The following PIWIL4 variants were observed in gnomAD, a reference collection of about 807,000 sequenced individuals.
PIWIL4 encodes the protein piwi like RNA-mediated gene silencing 4.
In PIWIL4, 50 loss-of-function variants were observed where a neutral mutation model predicts 100.9. The ratio of observed to expected loss-of-function variants is 0.50; its 90% CI spans 0.39 to 0.63. The LOEUF (loss-of-function observed/expected upper bound fraction) is 0.63. Ranked by LOEUF, PIWIL4 falls within the 20% of genes least tolerant of loss-of-function variation. The pLI, the probability that PIWIL4 is intolerant of heterozygous loss-of-function variation, is 0.00. For missense variants in PIWIL4, 887 were observed against 1,043.3 expected, an observed-to-expected ratio of 0.85 and a Z score of 2.06; for synonymous variants, 342 against 367.5, an observed-to-expected ratio of 0.93 and a Z score of 0.79.
intron 11 of PIWIL4, among the ~76,000 whole-genome samples, chr11:94,599,881 T>C (rs528171740): frequency 2.6e-5 from 4 of 152,294 alleles, no homozygotes; most frequent in African/African-American, 7.2e-5. Flanking sequence ...TTGGGGGACA[T>C]GTTAACATGC....
chr11:94,577,704 A>G (rs1465279550), intron 4 of PIWIL4, among the ~76,000 whole-genome samples: 1 of 152,222 alleles, frequency 6.6e-6, no homozygotes, highest in Non-Finnish European at 1.5e-5. Flanking sequence ...TCAGCCATTT[A>G]GTCCATCCCT....
intron 5 of PIWIL4, among the ~76,000 whole-genome samples, chr11:94,584,682 G>C (rs1948374316): frequency 6.6e-6 from 1 of 152,138 alleles, no homozygotes; most frequent in Non-Finnish European, 1.5e-5. Flanking sequence ...CCCCATGTAG[G>C]TCAAATTCCT....
At chr11:94,616,857 G>A (rs1948853618) in intron 16 of PIWIL4, among the ~76,000 whole-genome samples, 1 of 152,168 alleles carries the variant, frequency 6.6e-6, no homozygotes, top group African/African-American at 2.4e-5. Context: ...AACCAACCCT[G>A]GAGGAACTCG....
At chr11:94,615,182 C>A (rs1948832330) in intron 15 of PIWIL4, among the ~76,000 whole-genome samples, 1 of 152,134 alleles carries the variant, frequency 6.6e-6, no homozygotes, top group South Asian at 2.1e-4. Context: ...CCTAACCTCC[C>A]AGCTGTGCTG....
chr11:94,579,253 A>C (rs1948282791), intron 4 of PIWIL4, among the ~76,000 whole-genome samples: 2 of 152,158 alleles, frequency 1.3e-5, no homozygotes, highest in African/African-American at 4.8e-5. Flanking sequence ...TATTTATATC[A>C]ATTTTTAAAG....
At chr11:94,567,711 G>A in intron 1 of PIWIL4, 106 bp downstream of exon 1, 1 of 1,316,296 alleles carries the variant, frequency 7.6e-7, no homozygotes, top group Non-Finnish European at 9.8e-7. Context: ...TTACGAAGTA[G>A]TGCGTTATCT....
rs1948542992 is a variant in PIWIL4, at chr11:94,595,399, T to C, written c.1241T>C (p.Leu414Pro). Residue 414 changes from leucine (L) to proline (P), a missense_variant, in exon 10 of 20, where the codon CTG becomes CCG. Coordinates refer to ENST00000299001, the MANE Select transcript of PIWIL4 (RefSeq NM_152431.3). Reference sequence around the variant, plus strand: ...AGTCCTTCAGGCCGGCAGCAGCGCCTGGCCAGGCTTGTGGACAACATCCAG... The same window carrying C: ...AGTCCTTCAGGCCGGCAGCAGCGCCCGGCCAGGCTTGTGGACAACATCCAG... Reference protein sequence around the residue: ...RLSPSGRQQRLARLVDNIQRN... With the variant: ...RLSPSGRQQRPARLVDNIQRN... The C allele has an allele frequency of 6.2e-7, 1 of 1,613,640 alleles. No individual in the cohort carries two copies.
intron 8 of PIWIL4, among the ~76,000 whole-genome samples, chr11:94,589,572 G>C (rs1465493628): frequency 3.9e-5 from 6 of 152,104 alleles, no homozygotes; most frequent in African/African-American, 1.4e-4. Flanking sequence ...GCCAATTCCT[G>C]CCTTTAAAGC....
At chr11:94,615,016 G>T (rs1272556441) in intron 15 of PIWIL4, among the ~76,000 whole-genome samples, 2 of 152,176 alleles carry the variant, frequency 1.3e-5, no homozygotes, top group Non-Finnish European at 2.9e-5. Flanking sequence ...CTGGTCAGGG[G>T]TGGTGGTGAG....
At chr11:94,594,636 G>A (rs992922361) in intron 9 of PIWIL4, among the ~76,000 whole-genome samples, 4 of 151,940 alleles carry the variant, frequency 2.6e-5, no homozygotes, top group Admixed American at 2.6e-4. Context: ...GGGTTCAAGC[G>A]ATTTTCCTGC....
At chr11:94,614,405 T>C (rs1284117282) in intron 15 of PIWIL4, among the ~76,000 whole-genome samples, 1 of 150,700 alleles carries the variant, frequency 6.6e-6, no homozygotes, top group African/African-American at 2.4e-5. Context: ...CCTCCCAGGT[T>C]CAACTGATTC....
At chr11:94,610,957 G>C (rs755564295) in intron 15 of PIWIL4, among the ~76,000 whole-genome samples, 3 of 152,042 alleles carry the variant, frequency 2.0e-5, no homozygotes, top group Non-Finnish European at 4.4e-5. Context: ...ATTTGTATAT[G>C]GTATAAGGGT....
intron 14 of PIWIL4, among the ~76,000 whole-genome samples, chr11:94,607,905 C>T (rs910594842): frequency 2.0e-5 from 3 of 152,090 alleles, no homozygotes; most frequent in South Asian, 2.1e-4. Context: ...GTTCCATTGC[C>T]TCCACATTTA....
chr11:94,589,443 TC>T (rs1266499829), intron 8 of PIWIL4, among the ~76,000 whole-genome samples: 11 of 152,214 alleles, frequency 7.2e-5, no homozygotes, highest in African/African-American at 2.6e-4. Context: ...CTGAGTAATC[TC>T]CCTTTAAAGC....
chr11:94,573,588 C>T (rs546668469), intron 2 of PIWIL4, among the ~76,000 whole-genome samples: 13 of 152,212 alleles, frequency 8.5e-5, no homozygotes, highest in Admixed American at 3.3e-4. Context: ...TGATGGATTA[C>T]GTTTATTGAT....
chr11:94,575,100 A>G lies in PIWIL4; in HGVS notation c.268A>G (p.Lys90Glu), dbSNP rs766457450. The change falls in exon 3 of 20, where the codon AAA becomes GAA. Residue 90 changes from lysine (K) to glutamate (E), a missense_variant. Physicochemically the swap from Lys to Glu is moderately conservative, Grantham distance 56 (BLOSUM62 1). Around this residue, in one of 2 missense-constraint regions of PIWIL4, gnomAD observed 146 missense variants for 113.4 expected, o/e 1.29. Transcript: ENST00000299001. ...FMDLSICTRE[K>E]LAHVRNCKTG... ...GGATTTGAGTATCTGTACCAGAGAA[A>G]AATTGGCACATGTGAGAAATTGTAA... The G allele has an allele frequency of 6.2e-6, 10 of 1,613,652 alleles. No homozygotes were observed. Among genetic ancestry groups the G allele is most frequent in the African/African-American group, 2.7e-5 (2 of 74,914 alleles).
At chr11:94,597,736 G>A in intron 10 of PIWIL4, 68 bp from the exon 11 acceptor site, 1 of 1,099,340 alleles carries the variant, frequency 9.1e-7, no homozygotes, top group Non-Finnish European at 1.3e-6. Context: ...CAGAAAATCA[G>A]CCCCTGACGA....
At chr11:94,569,913 A>G (rs1565267624) in intron 2 of PIWIL4, among the ~76,000 whole-genome samples, 1 of 152,170 alleles carries the variant, frequency 6.6e-6, no homozygotes, top group Non-Finnish European at 1.5e-5. Context: ...ACTATGCAAT[A>G]TATCCATGTA....
intron 8 of PIWIL4, among the ~76,000 whole-genome samples, chr11:94,589,827 A>G (rs1218125223): frequency 6.6e-6 from 1 of 152,002 alleles, no homozygotes; most frequent in Non-Finnish European, 1.5e-5. Flanking sequence ...GCACCACACG[A>G]ATGGTCTGAG....
Sources: allele counts gnomAD v4.1 joint callset (sites outside exome capture counted in the v4.1 genomes callset), GRCh38; gene constraint gnomAD v4.1.1; regional missense constraint gnomAD v4.1.1; transcripts MANE v1.5; gene names NCBI Gene and HGNC (gene_info 2026-07-23, HGNC 2026-07-21).